The following SLC39A9 variants were observed in gnomAD, a reference collection of about 807,000 sequenced individuals.
SLC39A9 encodes zinc transporter ZIP9.
SLC39A9 carries 14 observed loss-of-function variants against 28.4 expected under a neutral mutation model. The ratio of observed to expected loss-of-function variants is 0.49; its 90% confidence interval spans 0.33 to 0.77. The LOEUF is 0.77. SLC39A9 is among the 30% of genes least tolerant of loss of function. The pLI is 0.02. For missense variants in SLC39A9, 283 were observed against 381.1 expected, an observed-to-expected ratio of 0.74 and a Z score of 2.14; for synonymous variants, 119 against 149.6, an observed-to-expected ratio of 0.80 and a Z score of 1.49.
chr14:69,456,451 G>A (rs557677538), intron 6 of SLC39A9, among the ~76,000 whole-genome samples: 25 of 152,292 alleles, frequency 1.6e-4, no homozygotes, highest in African/African-American at 5.8e-4. Flanking sequence ...CGGGAACTTA[G>A]CCATTCTTGG....
intron 1 of SLC39A9, 74 bp downstream of exon 1, chr14:69,399,539 G>T: frequency 8.5e-7 from 1 of 1,178,266 alleles, no homozygotes; most frequent in Non-Finnish European, 1.2e-6. Context: ...AAGGGAAGCT[G>T]CTTCCCTAGT....
intron 2 of SLC39A9, chr14:69,428,743 G>A (rs536623880): frequency 6.6e-6 from 1 of 152,594 alleles, no homozygotes; most frequent in Non-Finnish European, 1.5e-5. Context: ...ACTGAGAAGT[G>A]GAAGTGGTCA....
At chr14:69,436,554 TTTTTG>T (rs1884767875) in intron 2 of SLC39A9, among the ~76,000 whole-genome samples, 1 of 152,200 alleles carries the variant, frequency 6.6e-6, no homozygotes, top group African/African-American at 2.4e-5. Context: ...TTCTGTTTTG[TTTTTG>T]TTTTTTGTTT....
At chr14:69,428,761 C>T (rs555071783) in intron 2 of SLC39A9, 2 of 152,524 alleles carry the variant, frequency 1.3e-5, no homozygotes, top group African/African-American at 4.8e-5. Context: ...TCAGTCAAAG[C>T]AGAAGTGGGT....
chr14:69,434,883 G>A (rs1003296877), intron 2 of SLC39A9, among the ~76,000 whole-genome samples: 4 of 151,980 alleles, frequency 2.6e-5, no homozygotes, highest in African/African-American at 9.7e-5. Context: ...AATTTGGTTG[G>A]TTGCTTGGTT....
chr14:69,428,051 G>A lies in SLC39A9; in HGVS notation c.205+3849G>A, dbSNP rs910424848. Among the ~76,000 whole-genome samples the A allele has an allele frequency of 6.6e-5, 10 of 152,168 alleles. No homozygotes were observed. The East Asian group carries it at 9.6e-4, about 15-fold the overall frequency. The stretch of plus-strand genomic sequence containing the variant: ...ATCCCAGCACTTTGGGAGTCAAGGC[G>A]GGTGGATCACAAGGTCAAGAGATCG... On this transcript the variant is annotated intron_variant, in intron 2 of 6. Transcript: ENST00000336643.
intron 6 of SLC39A9, 21 bp from the exon 7 acceptor site, chr14:69,458,342 T>C: frequency 6.2e-7 from 1 of 1,610,328 alleles, no homozygotes; most frequent in Non-Finnish European, 8.5e-7. Flanking sequence ...GTTTTTCCTC[T>C]TTCTCTCTTC....
chr14:69,461,507 T>C lies in SLC39A9; in HGVS notation c.*2914T>C. On this transcript the variant is annotated 3_prime_UTR_variant, in exon 7 of 7. Coordinates refer to ENST00000336643, the MANE Select transcript of SLC39A9 (RefSeq NM_018375.5). ...TTATGTGTTTTCTCTTTCTCCCCGC[T>C]TTCACCTCTTTCTTTCCCAATTCAA... 1 of 1,435,904 alleles carries C rather than the reference T, an allele frequency of 7.0e-7. No homozygotes were observed. The highest frequency in any genetic ancestry group is 1.5e-5 in the South Asian group (1 of 66,310). 88.9% of individuals were successfully genotyped at this position (1,435,904 alleles called of 1,614,324 possible). A position where few individuals can be genotyped will look rare whatever the true frequency, so the allele number is the denominator to read the frequency against.
chr14:69,416,346 C>A (rs1594910758), intron 1 of SLC39A9, among the ~76,000 whole-genome samples: 2 of 152,160 alleles, frequency 1.3e-5, no homozygotes, highest in African/African-American at 2.4e-5. Flanking sequence ...GTATATGTGC[C>A]ACATTTTCTT....
intron 2 of SLC39A9, among the ~76,000 whole-genome samples, chr14:69,439,817 T>C (rs574968142): frequency 1.3e-5 from 2 of 152,298 alleles, no homozygotes; most frequent in Non-Finnish European, 2.9e-5. Context: ...CCTCTTCCCC[T>C]TCTGCAATGA....
At chr14:69,447,764 T>C (rs1254128048) in intron 3 of SLC39A9, among the ~76,000 whole-genome samples, 1 of 151,630 alleles carries the variant, frequency 6.6e-6, no homozygotes, top group African/African-American at 2.4e-5. Flanking sequence ...AATACAAAAA[T>C]TAGCTGGTCG....
chr14:69,403,997 T>C (rs116007539), intron 1 of SLC39A9, among the ~76,000 whole-genome samples: 2,221 of 152,108 alleles, frequency 0.015, 52 homozygotes, highest in African/African-American at 0.05. Flanking sequence ...GAACCAACAT[T>C]GCGCCATTGC....
At chr14:69,404,795 T>G (rs1882825322) in intron 1 of SLC39A9, among the ~76,000 whole-genome samples, 1 of 152,206 alleles carries the variant, frequency 6.6e-6, no homozygotes, top group Admixed American at 6.5e-5. Flanking sequence ...CTTTTCTTCA[T>G]TATACTTACT....
chr14:69,422,957 A>G (rs573293707), intron 1 of SLC39A9, among the ~76,000 whole-genome samples: 1 of 152,364 alleles, frequency 6.6e-6, no homozygotes, highest in African/African-American at 2.4e-5. Flanking sequence ...GAGTCCCTCA[A>G]ACTTGGCTAA....
In SLC39A9 at chr14:69,461,192, C is replaced by T. The variant is rs1886096838; in HGVS notation, c.*2599C>T. The T allele has an allele frequency of 1.0e-6, 1 of 987,388 alleles. No individual in the cohort carries two copies. The highest frequency in any genetic ancestry group is 1.7e-5 in the African/African-American group (1 of 57,268). The allele number at this position is 987,388 out of a possible 1,614,324, so 61.2% of individuals were successfully genotyped here. ...ATGATGAGAAGCATGATTCTTGCTT[C>T]CATATAACCAAAGTTAATCTTAATT... On this transcript the variant is annotated 3_prime_UTR_variant, in exon 7 of 7. Transcript: ENST00000336643.
intron 1 of SLC39A9, among the ~76,000 whole-genome samples, chr14:69,406,795 T>G (rs1195714724): frequency 6.6e-6 from 1 of 151,746 alleles, no homozygotes; most frequent in African/African-American, 2.4e-5. Flanking sequence ...TATTCAGTTT[T>G]TAACTTATTG....
intron 2 of SLC39A9, among the ~76,000 whole-genome samples, chr14:69,432,637 A>G (rs1206830495): frequency 6.6e-6 from 1 of 152,184 alleles, no homozygotes; most frequent in African/African-American, 2.4e-5. Context: ...GCTGATGTCC[A>G]GAGTGGTTTC....
intron 4 of SLC39A9, 77 bp downstream of exon 4, chr14:69,453,386 GTCC>G: frequency 7.3e-7 from 1 of 1,372,898 alleles, no homozygotes; most frequent in South Asian, 1.2e-5. Flanking sequence ...TTCAGGGACC[GTCC>G]TCATTGAATG....
chr14:69,448,285 G>T (rs1330136748), intron 3 of SLC39A9, among the ~76,000 whole-genome samples: 2 of 150,006 alleles, frequency 1.3e-5, no homozygotes, highest in African/African-American at 4.9e-5. Flanking sequence ...AAGACATTTT[G>T]CAGTTTTAAT....
Sources: gnomAD v4.1 joint callset for allele counts (sites outside exome capture counted in the v4.1 genomes callset) on GRCh38, gnomAD v4.1.1 for gene constraint, MANE v1.5 for transcripts, NCBI Gene and HGNC (gene_info 2026-07-23, HGNC 2026-07-21) for gene names.